Variants in MRM2 observed in about 807,000 individuals in gnomAD.
The protein encoded by MRM2 is rRNA methyltransferase 2, mitochondrial.
A neutral mutation model predicts 10.9 loss-of-function variants in MRM2; 15 were observed. The observed-to-expected ratio is 1.37, with a 90% CI of 0.92 to 2.11. MRM2 has a LOEUF of 2.11. MRM2 is among the 30% of genes most tolerant of loss of function. The pLI, the probability that MRM2 is intolerant of heterozygous loss-of-function variation, is 0.00. For synonymous variants in MRM2, 139 were observed against 128.7 expected (o/e 1.08, Z -0.54); for missense variants, 328 against 321.3 (o/e 1.02, Z -0.16).
At chr7:2,237,642 A>G (rs553815211) in intron 2 of MRM2, among the ~76,000 whole-genome samples, 1 of 152,312 alleles carries the variant, frequency 6.6e-6, no homozygotes, top group South Asian at 2.1e-4. Flanking sequence ...CTGAAAAACA[A>G]TAAAAAGGCT....
At chr7:2,241,867 G>A (rs1562403497) in intron 1 of MRM2, 1 of 404,804 alleles carries the variant, frequency 2.5e-6, no homozygotes, top group Admixed American at 4.6e-5. Context: ...TCCCGCCCCG[G>A]GCTCGCCCCC....
intron 1 of MRM2, chr7:2,240,366 C>G: frequency 2.3e-6 from 1 of 441,588 alleles, no homozygotes; most frequent in Non-Finnish European, 4.5e-6. Flanking sequence ...AGGGCTTTGA[C>G]AGCTAGTACA....
rs1794482832 is a variant in MRM2, at chr7:2,239,539, C to G, written c.177G>C (p.Lys59Asn). Residue 59 changes from lysine (K) to asparagine (N), a missense_variant, in exon 2 of 3, where the codon AAG (lysine) becomes AAC (asparagine). Lys to Asn is a moderately conservative substitution (Grantham distance 94). Coordinates refer to ENST00000242257, the MANE Select transcript of MRM2 (RefSeq NM_013393.3). ...GGTGCCTCTCGTTCACCTCCAGGAG[C>G]TTGAAGGCGCTTCGACACCGGTAAC... ...VESYRCRSAF[K>N]LLEVNERHQI... 5.6e-6 allele frequency: 9 copies of G among 1,613,946 alleles called. No homozygotes were observed. The highest frequency in any genetic ancestry group is 6.8e-6 in the Non-Finnish European group (8 of 1,180,044).
chr7:2,241,852 C>T (rs1236237820), intron 1 of MRM2: 1 of 389,502 alleles, frequency 2.6e-6, no homozygotes, highest in Non-Finnish European at 4.6e-6. Context: ...GGCCCAGAAG[C>T]GAAATCCCGC....
chr7:2,235,370 G>A lies in MRM2; in HGVS notation c.493C>T (p.Leu165Phe), dbSNP rs1410016872. The change falls in exon 3 of 3, where the codon CTC becomes TTC. Residue 165 changes from leucine to phenylalanine, a missense_variant. Transcript: ENST00000242257. ...AGGCTGATGAGCCTGTCATGATCGAGGTCCCGGAACCCTGTGGCATTGGGC... is the reference window on the plus strand; with the variant it reads ...AGGCTGATGAGCCTGTCATGATCGAAGTCCCGGAACCCTGTGGCATTGGGC... ...MAPNATGFRD[L>F]DHDRLISLCL... The A allele has an allele frequency of 1.9e-6, 3 of 1,614,118 alleles. No individual in the cohort carries two copies. In the Admixed American group the frequency reaches 5.0e-5, roughly 27 times the overall value.
chr7:2,240,181 C>A, intron 1 of MRM2: 1 of 420,734 alleles, frequency 2.4e-6, no homozygotes, highest in East Asian at 7.7e-5. Context: ...GAGATTGCGC[C>A]ACTGCACTCC....
intron 2 of MRM2, among the ~76,000 whole-genome samples, chr7:2,237,558 T>G (rs1794439145): frequency 6.6e-6 from 1 of 152,152 alleles, no homozygotes. Flanking sequence ...GACTCCACGG[T>G]GATAAGCTCA....
intron 2 of MRM2, chr7:2,237,898 A>C (rs1206932153): frequency 7.3e-5 from 11 of 150,950 alleles, no homozygotes; most frequent in Admixed American, 5.9e-4. Flanking sequence ...AAACAAAAAA[A>C]AAAAAAAAAA....
At chr7:2,240,077 C>T (rs2115043755) in intron 1 of MRM2, among the ~76,000 whole-genome samples, 1 of 152,198 alleles carries the variant, frequency 6.6e-6, no homozygotes, top group South Asian at 2.1e-4. Flanking sequence ...CAAAAATTAG[C>T]CTGGCGTGGT....
At position 2,239,512 on chromosome 7, in the gene MRM2, C is replaced by G. The variant is rs1337283637; in HGVS notation, c.204G>C (p.Gln68His). 1 of 1,614,018 alleles carries G rather than the reference C, an allele frequency of 6.2e-7. No homozygotes were observed. The highest frequency in any genetic ancestry group is 1.1e-5 in the South Asian group (1 of 91,092). ...FKLLEVNERHQILRPGLRVLD... is the reference protein window; with the variant it reads ...FKLLEVNERHHILRPGLRVLD... The stretch of plus-strand genomic sequence containing the variant: ...ACACCCGAAGGCCGGGCCGCAGAAT[C>G]TGGTGCCTCTCGTTCACCTCCAGGA... Residue 68 changes from glutamine (Q) to histidine (H), a missense_variant, in exon 2 of 3, where the codon CAG becomes CAC. Transcript: ENST00000242257.
intron 2 of MRM2, among the ~76,000 whole-genome samples, chr7:2,236,552 C>A (rs1794422647): frequency 6.6e-6 from 1 of 151,988 alleles, no homozygotes; most frequent in Non-Finnish European, 1.5e-5. Flanking sequence ...TAGCTGTAGT[C>A]TCAGCTACTC....
At chr7:2,241,949 G>A (rs896820028) in intron 1 of MRM2, 5 of 494,358 alleles carry the variant, frequency 1.0e-5, no homozygotes, top group African/African-American at 6.1e-5. Context: ...CCTCCCCACG[G>A]CCCCGCCGGC....
intron 2 of MRM2, among the ~76,000 whole-genome samples, chr7:2,236,859 G>A (rs1238515869): frequency 5.3e-5 from 8 of 152,166 alleles, no homozygotes; most frequent in Non-Finnish European, 1.2e-4. Context: ...CGTTGGGCTT[G>A]TGAAGAGGGG....
At position 2,239,627 on chromosome 7, in the gene MRM2, G is replaced by A. The variant is rs775504312; in HGVS notation, c.89C>T (p.Ala30Val). 12 of 1,613,996 alleles carry A rather than the reference G, an allele frequency of 7.4e-6. 1 individual carries two copies. In the African/African-American group the frequency reaches 1.5e-4, roughly 20 times the overall value. The change falls in exon 2 of 3, where the codon GCT becomes GTT. Residue 30 changes from alanine (A) to valine (V), a missense_variant. Coordinates refer to ENST00000242257, the MANE Select transcript of MRM2 (RefSeq NM_013393.3). ...VGSRCKNRTG[A>V]EHLWLTRHLR... is the part of the protein sequence containing the mutation. ...ATGTCGGGTCAGCCACAGGTGCTCA[G>A]CGCCTGTCCGATTCTTGCAGCGACT...
intron 2 of MRM2, among the ~76,000 whole-genome samples, chr7:2,236,211 C>T (rs927643325): frequency 2.6e-5 from 4 of 152,116 alleles, no homozygotes; most frequent in African/African-American, 9.7e-5. Flanking sequence ...GCCTTGGCGA[C>T]AGAGCGAGAC....
chr7:2,242,197 G>A lies in MRM2; in HGVS notation c.-28C>T, dbSNP rs537570728. 1.3e-5 allele frequency: 21 copies of A among 1,569,364 alleles called. No homozygotes were observed. The South Asian group carries it at 2.0e-4, about 15-fold the overall frequency. On this transcript the variant is annotated 5_prime_UTR_variant, in exon 1 of 3. Transcript: ENST00000242257. ...GTGTTCCCCGCGCCTGCAGCGCGCC[G>A]CCGGAAGTGCCTGGCCTCACTTCCG... is the stretch of plus-strand genomic sequence containing the variant.
In MRM2 at chr7:2,239,721, AGAG is replaced by A. The variant is rs772333245; in HGVS notation, c.9-17_9-15del. The A allele has an allele frequency of 8.2e-5, 131 of 1,607,054 alleles. No homozygotes were observed. The highest frequency in any genetic ancestry group is 1.1e-4 in the Non-Finnish European group (125 of 1,174,860). Reference sequence around the variant, plus strand: ...AGCTTCAAGTACCTGGTGGGAGAGAAGAGGAGCAGGCAGGTTGGCATCACACAG... The same window carrying A: ...AGCTTCAAGTACCTGGTGGGAGAGAAGAGCAGGCAGGTTGGCATCACACAG... On this transcript the variant is annotated splice_polypyrimidine_tract_variant and intron_variant, in intron 1 of 2. Transcript: ENST00000242257.
chr7:2,235,152 G>GTACTT lies in MRM2; in HGVS notation c.710_711insAAGTA (p.Tyr237Ter), dbSNP rs759357371. The GTACTT allele has an allele frequency of 6.2e-7, 1 of 1,613,970 alleles. No individual in the cohort carries two copies. Among genetic ancestry groups the GTACTT allele is most frequent in the East Asian group, 2.2e-5 (1 of 44,878 alleles). ...GCTTCACAGTGCCCTTCCTTCCGTG[G>GTACTT]TACTGTGTGGCCAAGAAGTACACTT... On this transcript the variant is annotated stop_gained and frameshift_variant, in exon 3 of 3. Coordinates refer to ENST00000242257, the MANE Select transcript of MRM2 (RefSeq NM_013393.3). LOFTEE classifies it high-confidence loss of function.
chr7:2,235,155 C>T lies in MRM2; in HGVS notation c.708G>A (p.Gln236=). Residue 236 remains glutamine, a synonymous_variant, in exon 3 of 3, where the codon CAG becomes CAA. Coordinates refer to ENST00000242257, the MANE Select transcript of MRM2 (RefSeq NM_013393.3). ...ESSEVYFLAT[Q]YHGRKGTVKQ ...TCACAGTGCCCTTCCTTCCGTGGTACTGTGTGGCCAAGAAGTACACTTCTG... is the reference window on the plus strand; with the variant it reads ...TCACAGTGCCCTTCCTTCCGTGGTATTGTGTGGCCAAGAAGTACACTTCTG... The T allele has an allele frequency of 6.2e-7, 1 of 1,614,030 alleles. No individual in the cohort carries two copies. Among genetic ancestry groups the T allele is most frequent in the Non-Finnish European group, 8.5e-7 (1 of 1,179,920 alleles).
Sources: gnomAD v4.1 joint callset for allele counts (sites outside exome capture counted in the v4.1 genomes callset) on GRCh38, gnomAD v4.1.1 for gene constraint, MANE v1.5 for transcripts, NCBI Gene and HGNC (gene_info 2026-07-23, HGNC 2026-07-21) for gene names.